THOC3: variants seen among roughly 807,000 people sequenced by gnomAD.
The protein encoded by THOC3 is THO complex subunit 3, also known as TEX1 homolog.
Under a neutral mutation model 23.3 loss-of-function variants are expected in THOC3, and 4 were observed. The observed-to-expected ratio is 0.17, with a 90% CI of 0.08 to 0.39. The LOEUF is 0.39. THOC3 is among the 10% of genes least tolerant of loss of function. The pLI is 1.00. For synonymous variants in THOC3, 27 were observed against 141.5 expected (o/e 0.19, Z 5.74); for missense variants, 64 against 359.4 (o/e 0.18, Z 6.65).
chr5:175,966,009 T>C (rs1756759748), intron 2 of THOC3, among the ~76,000 whole-genome samples: 1 of 152,138 alleles, frequency 6.6e-6, no homozygotes, highest in Non-Finnish European at 1.5e-5. Context: ...CTGGGCAATA[T>C]GGCAAAACCC....
chr5:175,965,647 G>A (rs867186557), intron 2 of THOC3, among the ~76,000 whole-genome samples: 82 of 152,258 alleles, frequency 5.4e-4, no homozygotes, highest in African/African-American at 1.9e-3. Flanking sequence ...GGATGGTCTC[G>A]ATCTCCTGAC....
At chr5:175,962,020 T>G (rs1414514759) in intron 3 of THOC3, among the ~76,000 whole-genome samples, 1 of 150,830 alleles carries the variant, frequency 6.6e-6, no homozygotes, top group African/African-American at 2.5e-5. Context: ...TACAGTTTCT[T>G]GCAAAAACTA....
chr5:175,965,196 C>A (rs781737793), intron 2 of THOC3, 41 bp from the exon 3 acceptor site: 1 of 1,612,352 alleles, frequency 6.2e-7, no homozygotes, highest in East Asian at 2.2e-5. Context: ...TCTGTTTGCT[C>A]ATAATCTTCC....
At chr5:175,961,615 T>C (rs1364360716) in intron 3 of THOC3, among the ~76,000 whole-genome samples, 181 bp from the exon 4 acceptor site, 1 of 151,146 alleles carries the variant, frequency 6.6e-6, no homozygotes. Flanking sequence ...AACACATACC[T>C]GAGACTACAG....
rs775994149 is a variant in THOC3 at position 175,962,417 on chromosome 5, T to TACACAC, written c.630-984_630-983insGTGTGT. Among the ~76,000 whole-genome samples the TACACAC allele has an allele frequency of 5.4e-4, 23 of 42,502 alleles. 1 individual carries two copies. The highest frequency in any genetic ancestry group is 2.0e-3 in the South Asian group (3 of 1,486). The allele number at this position is 42,502 out of a possible 152,430, so 27.9% of individuals were successfully genotyped here. ...GGTATTTTATCTTTAAATATATATATATATACACACACACACACACACACA... is the reference window on the plus strand; with the variant it reads ...GGTATTTTATCTTTAAATATATATATACACACATATACACACACACACACACACACA... On this transcript the variant is annotated intron_variant, in intron 3 of 5. Transcript: ENST00000265097.
intron 2 of THOC3, among the ~76,000 whole-genome samples, chr5:175,965,457 G>A (rs1756747142): frequency 6.6e-6 from 1 of 152,238 alleles, no homozygotes; most frequent in Non-Finnish European, 1.5e-5. Context: ...AAGTGTCAAA[G>A]CTATGAAGTC....
At chr5:175,963,026 G>C (rs1756695780) in intron 3 of THOC3, among the ~76,000 whole-genome samples, 1 of 152,206 alleles carries the variant, frequency 6.6e-6, no homozygotes. Context: ...AATTACAAGA[G>C]ATGGAAACAC....
chr5:175,962,443 C>CACACACACAT (rs1756680552), intron 3 of THOC3, among the ~76,000 whole-genome samples: 1 of 95,322 alleles, frequency 1.0e-5, no homozygotes, highest in Admixed American at 1.0e-4. Context: ...CACACACACA[C>CACACACACAT]GTAATTCCTA....
chr5:175,965,290 C>G (rs915027919), intron 2 of THOC3, 135 bp from the exon 3 acceptor site: 1 of 1,428,550 alleles, frequency 7.0e-7, no homozygotes, highest in African/African-American at 1.4e-5. Context: ...TGGAAGGGAG[C>G]TACCACTTAT....
rs574554741 is a variant in THOC3 at position 175,966,939 on chromosome 5, G to GTA, written c.424+170_424+171dup. Among the ~76,000 whole-genome samples the GTA allele has an allele frequency of 5.3e-4, 80 of 150,744 alleles. No individual in the cohort carries two copies. In the East Asian group the frequency reaches 0.014, roughly 27 times the overall value. On this transcript the variant is annotated intron_variant, in intron 2 of 5. Transcript: ENST00000265097. ...TGAACCATATCTTGCTATGTTATTT[G>GTA]TATATATATGTCTTCTCCCCGCAGG... is the stretch of plus-strand genomic sequence containing the variant.
At chr5:175,966,065 C>G (rs1756761068) in intron 2 of THOC3, among the ~76,000 whole-genome samples, 1 of 148,478 alleles carries the variant, frequency 6.7e-6, no homozygotes, top group Non-Finnish European at 1.5e-5. Flanking sequence ...TGCCTGTAGT[C>G]CCAGCTACTC....
At chr5:175,964,775 G>A (rs1378401391) in intron 3 of THOC3, among the ~76,000 whole-genome samples, 176 bp downstream of exon 3, 2 of 125,126 alleles carry the variant, frequency 1.6e-5, no homozygotes, top group African/African-American at 6.4e-5. Flanking sequence ...TAAGGACTCA[G>A]TAAAATATAA....
intron 3 of THOC3, among the ~76,000 whole-genome samples, chr5:175,961,861 G>C (rs1756665212): frequency 1.3e-5 from 2 of 152,190 alleles, no homozygotes; most frequent in African/African-American, 4.8e-5. Context: ...TATAAAATCT[G>C]TAAGTTTTAG....
At chr5:175,964,204 C>T (rs1400086488) in intron 3 of THOC3, among the ~76,000 whole-genome samples, 1 of 152,376 alleles carries the variant, frequency 6.6e-6, no homozygotes, top group Non-Finnish European at 1.5e-5. Flanking sequence ...TCAAGGAATT[C>T]ACAGTCTAAC....
intron 3 of THOC3, among the ~76,000 whole-genome samples, chr5:175,963,576 A>G (rs1411288528): frequency 2.7e-5 from 4 of 146,984 alleles, no homozygotes; most frequent in African/African-American, 7.6e-5. Context: ...AGTTAAGCCT[A>G]TAAGAGTTCA....
intron 1 of THOC3, chr5:175,967,567 C>CACCACCACCACCACCACCAACGTACCACG (rs1756796543): frequency 3.3e-6 from 1 of 306,214 alleles, no homozygotes; most frequent in African/African-American, 2.8e-5. Flanking sequence ...GTACCACCAC[C>CACCACCACCACCACCACCAACGTACCACG]ACCACCACCA....
intron 3 of THOC3, among the ~76,000 whole-genome samples, chr5:175,963,291 GT>G (rs1419424790): frequency 2.0e-5 from 3 of 152,196 alleles, no homozygotes; most frequent in Admixed American, 1.3e-4. Context: ...ATCTCCACAG[GT>G]TAACAGTCTG....
In THOC3 at chr5:175,968,036, A is replaced by G. The variant is rs1581131654; in HGVS notation, c.173T>C (p.Val58Ala). The change falls in exon 1 of 6, where the codon GTG (valine) becomes GCG (alanine). Residue 58 changes from valine to alanine, a missense_variant. Physicochemically the swap from Val to Ala is moderately conservative, Grantham distance 64. Coordinates refer to ENST00000265097, the MANE Select transcript of THOC3 (RefSeq NM_032361.4). ...GTCGCAACTCCAGGCCACCGAGTGC[A>G]CCTTGGCGCTGTGCGCCAGGAACTC... ...TREFLAHSAK[V>A]HSVAWSCDGR... is the part of the protein sequence containing the mutation. The G allele has an allele frequency of 1.2e-6, 2 of 1,611,052 alleles. No homozygotes were observed. The highest frequency in any genetic ancestry group is 1.7e-5 in the Admixed American group (1 of 59,932).
At chr5:175,966,725 T>A (rs1241203867) in intron 2 of THOC3, among the ~76,000 whole-genome samples, 2 of 151,358 alleles carry the variant, frequency 1.3e-5, no homozygotes, top group Non-Finnish European at 2.9e-5. Context: ...AAATTCTCCA[T>A]GCCTTTGCAC....
Sources: gnomAD v4.1 joint callset for allele counts (sites outside exome capture counted in the v4.1 genomes callset) on GRCh38, gnomAD v4.1.1 for gene constraint, MANE v1.5 for transcripts, NCBI Gene and HGNC (gene_info 2026-07-23, HGNC 2026-07-21) for gene names.